The following PRDM14 variants were observed in gnomAD, a reference collection of about 807,000 sequenced individuals.
The protein encoded by PRDM14 is PR domain zinc finger protein 14.
A neutral mutation model predicts 48.0 loss-of-function variants in PRDM14; 16 were observed. The observed-to-expected ratio is 0.33, with a 90% confidence interval of 0.23 to 0.51. The LOEUF (loss-of-function observed/expected upper bound fraction) is 0.51, where lower values mean the gene tolerates loss of function less well. PRDM14 is among the 20% of genes least tolerant of loss of function. The pLI is 0.97. For missense variants in PRDM14, 566 were observed against 719.6 expected (o/e 0.79, Z 2.44); for synonymous variants, 264 against 276.6 (o/e 0.95, Z 0.45).
intron 5 of PRDM14, among the ~76,000 whole-genome samples, chr8:70,063,060 G>C (rs1308648767): frequency 6.6e-6 from 1 of 152,056 alleles, no homozygotes; most frequent in Non-Finnish European, 1.5e-5. Context: ...ACTATTTCTC[G>C]ATAATAGATT....
At chr8:70,065,273 G>A (rs1005759691) in intron 5 of PRDM14, among the ~76,000 whole-genome samples, 1 of 152,090 alleles carries the variant, frequency 6.6e-6, no homozygotes, top group Admixed American at 6.5e-5. Flanking sequence ...AAAGTGCTGA[G>A]ATTACAGGTG....
At chr8:70,053,300 G>C (rs1390137285) in intron 7 of PRDM14, among the ~76,000 whole-genome samples, 2 of 150,108 alleles carry the variant, frequency 1.3e-5, no homozygotes, top group African/African-American at 4.9e-5. Flanking sequence ...CAGTGTCTTT[G>C]CATAAGTCAG....
chr8:70,068,417 A>G, intron 3 of PRDM14, 30 bp from the exon 4 acceptor site: 1 of 1,614,180 alleles, frequency 6.2e-7, no homozygotes, highest in East Asian at 2.2e-5. Flanking sequence ...GGAAAAGAGA[A>G]TGAGGAGAGT....
intron 5 of PRDM14, among the ~76,000 whole-genome samples, chr8:70,064,715 AGAG>A (rs1805638922): frequency 1.3e-5 from 2 of 151,228 alleles, no homozygotes; most frequent in Admixed American, 6.6e-5. Context: ...TTAGTAGAGA[AGAG>A]GTTTCACCGT....
chr8:70,061,068 T>TGA (rs139487681), intron 5 of PRDM14, among the ~76,000 whole-genome samples: 3,301 of 152,260 alleles, frequency 0.022, 135 homozygotes, highest in African/African-American at 0.076. Context: ...CAGACAAGAC[T>TGA]GAGAGGTAAA....
rs545336576 is a variant in PRDM14 at position 70,065,448 on chromosome 8, T to C, written c.1183+787A>G. Among the ~76,000 whole-genome samples, 3 of 152,210 alleles carry C rather than the reference T, an allele frequency of 2.0e-5. No individual in the cohort carries two copies. In the East Asian group the frequency reaches 5.8e-4, roughly 29 times the overall value. On this transcript the variant is annotated intron_variant, in intron 5 of 7. Coordinates refer to ENST00000276594, the MANE Select transcript of PRDM14 (RefSeq NM_024504.4). ...AAGTCTCACCCCTAGAGTGGGCTGGTGGTTCCCTCGCCCCTTGCTACTGGA... is the reference window on the plus strand; with the variant it reads ...AAGTCTCACCCCTAGAGTGGGCTGGCGGTTCCCTCGCCCCTTGCTACTGGA...
At chr8:70,064,890 CT>C (rs764933551) in intron 5 of PRDM14, among the ~76,000 whole-genome samples, 323 of 135,812 alleles carry the variant, frequency 2.4e-3, no homozygotes, top group Non-Finnish European at 2.4e-3. Context: ...CTCTCTCTCT[CT>C]TTTTTTTTTT....
intron 5 of PRDM14, among the ~76,000 whole-genome samples, 196 bp downstream of exon 5, chr8:70,066,039 G>A (rs1310027579): frequency 2.0e-5 from 3 of 152,154 alleles, no homozygotes; most frequent in Non-Finnish European, 4.4e-5. Context: ...TTATAAATAG[G>A]AGTAGCTTCC....
chr8:70,068,757 G>A (rs1805712476), intron 2 of PRDM14, among the ~76,000 whole-genome samples: 1 of 152,152 alleles, frequency 6.6e-6, no homozygotes, highest in Non-Finnish European at 1.5e-5. Context: ...ACAGCCTCAT[G>A]GAAGTTTATG....
In PRDM14 at chr8:70,068,475, C is replaced by T. The variant is rs1805707394; in HGVS notation, c.754+4G>A. 2 of 1,613,942 alleles carry T rather than the reference C, an allele frequency of 1.2e-6. No homozygotes were observed. The highest frequency in any genetic ancestry group is 2.7e-5 in the African/African-American group (2 of 74,906). On this transcript the variant is annotated splice_donor_region_variant and intron_variant, in intron 3 of 7. Transcript: ENST00000276594. ...AAGAAATCCATGCAAGGAGTCCTGC[C>T]TACCTTCTGGAAGTTGAAGGGAGTC...
Position 70,069,273 on chromosome 8 carries a change from C to T in PRDM14, c.588G>A (p.Gln196=). The T allele has an allele frequency of 6.2e-7, 1 of 1,610,916 alleles. No individual in the cohort carries two copies. Among genetic ancestry groups the T allele is most frequent in the South Asian group, 1.1e-5 (1 of 90,354 alleles). ...CGAAGTGCAGGTCCTCCTCCGTGAA[C>T]TGGAACCGAGCAGGGGACTTCCCTT... The part of the protein sequence containing the change: ...NQEGKSPARF[Q]FTEEDLHFVL... Residue 196 remains glutamine, a synonymous_variant, in exon 2 of 8, where the codon CAG becomes CAA. Coordinates refer to ENST00000276594, the MANE Select transcript of PRDM14 (RefSeq NM_024504.4).
chr8:70,066,454 C>A lies in PRDM14; in HGVS notation c.964G>T (p.Gly322Trp). Reference protein sequence around the residue: ...SHFIDGKGGTGNWMSYVNCAR... With the variant: ...SHFIDGKGGTWNWMSYVNCAR... ...CAGTTGACATAGGACATCCAGTTCCCCGTACCTCCTTTTCCATCTATAAAG... is the reference window on the plus strand; with the variant it reads ...CAGTTGACATAGGACATCCAGTTCCACGTACCTCCTTTTCCATCTATAAAG... The change falls in exon 5 of 8, where the codon GGG (glycine) becomes TGG (tryptophan). Residue 322 changes from glycine to tryptophan, a missense_variant. Physicochemically the swap from Gly to Trp is radical, Grantham distance 184. Transcript: ENST00000276594. The A allele has an allele frequency of 6.2e-7, 1 of 1,614,104 alleles. No individual in the cohort carries two copies. Among genetic ancestry groups the A allele is most frequent in the Admixed American group, 1.7e-5 (1 of 60,024 alleles).
At chr8:70,055,121 T>C (rs1805452098) in intron 7 of PRDM14, among the ~76,000 whole-genome samples, 179 bp downstream of exon 7, 1 of 152,234 alleles carries the variant, frequency 6.6e-6, no homozygotes, top group Non-Finnish European at 1.5e-5. Flanking sequence ...AATAGGAGGT[T>C]GGTTATATTT....
chr8:70,054,667 T>C (rs1030899009), intron 7 of PRDM14, among the ~76,000 whole-genome samples: 8 of 99,054 alleles, frequency 8.1e-5, no homozygotes, highest in Admixed American at 4.8e-4. Flanking sequence ...TACAGGAACG[T>C]GCCACCATGC....
chr8:70,066,565 TA>T, intron 4 of PRDM14, 60 bp from the exon 5 acceptor site: 3 of 1,363,794 alleles, frequency 2.2e-6, no homozygotes, highest in African/African-American at 1.5e-5. Context: ...ATCTATAAAA[TA>T]AATTTTTTAA....
In PRDM14 at chr8:70,069,754, T is replaced by C. The variant is rs1460730242; in HGVS notation, c.107A>G (p.Tyr36Cys). The C allele has an allele frequency of 1.9e-6, 3 of 1,607,598 alleles. No homozygotes were observed. Among genetic ancestry groups the C allele is most frequent in the East Asian group, 2.2e-5 (1 of 44,776 alleles). ...LAAYYTPFPS[Y>C]GHYRNSLATV... is the part of the protein sequence containing the mutation. ...GGCCAGGCTGTTTCTGTAGTGTCCATAGGACGGGAAAGGCGTGTAGTACGC... is the reference window on the plus strand; with the variant it reads ...GGCCAGGCTGTTTCTGTAGTGTCCACAGGACGGGAAAGGCGTGTAGTACGC... Residue 36 changes from tyrosine (Y) to cysteine (C), a missense_variant, in exon 2 of 8, where the codon TAT becomes TGT. Physicochemically the swap from Tyr to Cys is radical, Grantham distance 194. Coordinates refer to ENST00000276594, the MANE Select transcript of PRDM14 (RefSeq NM_024504.4).
chr8:70,066,342 T>C lies in PRDM14; in HGVS notation c.1076A>G (p.Asn359Ser). The change falls in exon 5 of 8, where the codon AAC (asparagine) becomes AGC (serine). Residue 359 changes from asparagine (N) to serine (S), a missense_variant. By Grantham distance (46) the Asn-to-Ser change is conservative. This residue lies in a region of PRDM14 where 126 missense variants were observed against 271.6 expected (regional missense o/e 0.46). Coordinates refer to ENST00000276594, the MANE Select transcript of PRDM14 (RefSeq NM_024504.4). Reference sequence around the variant, plus strand: ...TCCATACCACACAAGGAGCTCTTGGTTCTGATGGATCTCTTTGCAGCTCTC... The same window carrying C: ...TCCATACCACACAAGGAGCTCTTGGCTCTGATGGATCTCTTTGCAGCTCTC... Reference protein sequence around the residue: ...FYESCKEIHQNQELLVWYGDC... With the variant: ...FYESCKEIHQSQELLVWYGDC... The C allele has an allele frequency of 3.1e-6, 5 of 1,614,196 alleles. No individual in the cohort carries two copies. Among genetic ancestry groups the C allele is most frequent in the Non-Finnish European group, 4.2e-6 (5 of 1,180,036 alleles).
Position 70,052,046 on chromosome 8 carries a change from T to G in PRDM14, c.*31A>C, listed in dbSNP as rs754601617. The G allele has an allele frequency of 1.9e-5, 28 of 1,495,638 alleles. No homozygotes were observed. Among genetic ancestry groups the G allele is most frequent in the Non-Finnish European group, 2.5e-5 (27 of 1,088,542 alleles). The allele number at this position is 1,495,638 out of a possible 1,614,324, so 92.6% of individuals were successfully genotyped here. ...ACCTCTGCCTCCCAAAGTGCTGGGA[T>G]TACAGGCGTGAGTCATTGTGCCTGG... On this transcript the variant is annotated 3_prime_UTR_variant, in exon 8 of 8. Transcript: ENST00000276594.
intron 5 of PRDM14, among the ~76,000 whole-genome samples, chr8:70,060,414 A>C (rs4737298): frequency 0.58 from 85,953 of 148,894 alleles, 26,023 homozygotes; most frequent in East Asian, 0.85. Context: ...AAAAAAAAAA[A>C]CATAACCATA....
Sources: allele counts gnomAD v4.1 joint callset (sites outside exome capture counted in the v4.1 genomes callset), GRCh38; gene constraint gnomAD v4.1.1; regional missense constraint gnomAD v4.1.1; transcripts MANE v1.5; gene names NCBI Gene and HGNC (gene_info 2026-07-23, HGNC 2026-07-21).